Variants in RASGEF1A observed in about 807,000 individuals in gnomAD.
The protein encoded by RASGEF1A is ras-GEF domain-containing family member 1A.
A neutral mutation model predicts 56.4 loss-of-function variants in RASGEF1A; 18 were observed. That is an observed-to-expected ratio of 0.32 (90% CI 0.22 to 0.47). The LOEUF is 0.47. Among genes scored for constraint, RASGEF1A ranks in the 20% least tolerant of loss-of-function variants. The pLI, the probability that RASGEF1A is intolerant of heterozygous loss-of-function variation, is 1.00. For synonymous variants in RASGEF1A, 245 were observed against 242.6 expected (o/e 1.01, Z -0.09); for missense variants, 422 against 627.1 (o/e 0.67, Z 3.49).
At chr10:43,243,252 T>C (rs1190755661) in intron 1 of RASGEF1A, among the ~76,000 whole-genome samples, 1 of 147,308 alleles carries the variant, frequency 6.8e-6, no homozygotes, top group African/African-American at 2.6e-5. Flanking sequence ...GAAGTGTCTC[T>C]GCCTGGCTGC....
At chr10:43,263,990 G>A (rs1157513504) in intron 1 of RASGEF1A, among the ~76,000 whole-genome samples, 1 of 152,064 alleles carries the variant, frequency 6.6e-6, no homozygotes, top group Non-Finnish European at 1.5e-5. Flanking sequence ...CTCTGTCATG[G>A]TGCCTGGAGC....
chr10:43,199,012 G>T lies in RASGEF1A; in HGVS notation c.953C>A (p.Ser318Tyr), dbSNP rs1292648635. 6.2e-7 allele frequency: 1 copy of T among 1,612,370 alleles called. No individual in the cohort carries two copies. The highest frequency in any genetic ancestry group is 8.5e-7 in the Non-Finnish European group (1 of 1,179,116). The change falls in exon 9 of 13, where the codon TCT (serine) becomes TAT (tyrosine). Residue 318 changes from serine (S) to tyrosine (Y), a missense_variant and splice_region_variant. Around this residue, in one of 2 missense-constraint regions of RASGEF1A, gnomAD observed 149 missense variants for 287.2 expected, o/e 0.52. Coordinates refer to ENST00000395810, the MANE Select transcript of RASGEF1A (RefSeq NM_145313.4). ...GNFNSMMAII[S>Y]GMNLSPVARL... ...TGCCACAGGACTGAGGTTCATGCCA[G>T]CTGCAGAGGACAGCAGGTAGGGTCA...
At chr10:43,213,016 T>C (rs1292411617) in intron 1 of RASGEF1A, among the ~76,000 whole-genome samples, 3 of 152,204 alleles carry the variant, frequency 2.0e-5, no homozygotes, top group Admixed American at 6.5e-5. Context: ...CAACGCTGCA[T>C]GTTCCCACTC....
At chr10:43,228,803 G>A (rs1292712773) in intron 1 of RASGEF1A, among the ~76,000 whole-genome samples, 1 of 152,234 alleles carries the variant, frequency 6.6e-6, no homozygotes, top group East Asian at 1.9e-4. Flanking sequence ...CACTCTCCGT[G>A]CTGTGGTGTT....
At chr10:43,201,020 G>T in intron 4 of RASGEF1A, 132 bp from the exon 5 acceptor site, 1 of 743,386 alleles carries the variant, frequency 1.3e-6, no homozygotes, top group African/African-American at 1.8e-5. Context: ...CTAAACCGCA[G>T]CCTTCAGGCC....
intron 1 of RASGEF1A, among the ~76,000 whole-genome samples, chr10:43,245,383 T>G (rs1052478094): frequency 4.6e-5 from 7 of 152,140 alleles, no homozygotes; most frequent in African/African-American, 1.7e-4. Context: ...CCTTACAATG[T>G]CCTTCAAAAA....
At chr10:43,251,236 G>C (rs900699534) in intron 1 of RASGEF1A, among the ~76,000 whole-genome samples, 3 of 152,186 alleles carry the variant, frequency 2.0e-5, no homozygotes, top group Admixed American at 6.5e-5. Flanking sequence ...ATGCAGCACT[G>C]ATCAGCCAGC....
chr10:43,204,504 G>A (rs914606518), intron 2 of RASGEF1A, among the ~76,000 whole-genome samples: 3 of 152,254 alleles, frequency 2.0e-5, no homozygotes, highest in Non-Finnish European at 4.4e-5. Flanking sequence ...CTTCTAAGGA[G>A]ACAACTAAGA....
rs1427617201 is a variant in RASGEF1A, at chr10:43,267,033, GCGAGCGAGCGAGCGAA to G, written c.-211_-196del. Reference sequence around the variant, plus strand: ...CCCTCCGCAGCCGGCGCCGGGGAGCGCGAGCGAGCGAGCGAACGAGCGAGCGCGGAGCGAGCGCCGA... The same window carrying G: ...CCCTCCGCAGCCGGCGCCGGGGAGCGCGAGCGAGCGCGGAGCGAGCGCCGA... On this transcript the variant is annotated 5_prime_UTR_variant, in exon 1 of 13. Coordinates refer to ENST00000395810, the MANE Select transcript of RASGEF1A (RefSeq NM_145313.4). The G allele has an allele frequency of 6.7e-6, 1 of 149,442 alleles. No homozygotes were observed. The highest frequency in any genetic ancestry group is 2.0e-4 in the East Asian group (1 of 5,076). 9.3% of individuals were successfully genotyped at this position (149,442 alleles called of 1,614,324 possible).
intron 1 of RASGEF1A, among the ~76,000 whole-genome samples, chr10:43,249,687 T>C (rs1014018575): frequency 1.3e-5 from 2 of 152,206 alleles, no homozygotes; most frequent in African/African-American, 4.8e-5. Context: ...TGGGGCTTCC[T>C]GTTCCCCTTG....
Position 43,196,049 on chromosome 10 carries a change from GTTAT to G in RASGEF1A, c.*191_*194del. On this transcript the variant is annotated 3_prime_UTR_variant, in exon 13 of 13. Transcript: ENST00000395810. This position sits in a 1 kb window ranked among gnomAD's most constrained non-coding sequence, Gnocchi z 4.6. ...CCTCCCCAAAGCAGGGCCCTGCCCT[GTTAT>G]TTAAAATAAACAAAAAAAACTTTGT... 1 of 505,948 alleles carries G rather than the reference GTTAT, an allele frequency of 2.0e-6. No homozygotes were observed. Among genetic ancestry groups the G allele is most frequent in the Non-Finnish European group, 3.5e-6 (1 of 286,802 alleles). The allele number at this position is 505,948 out of a possible 1,614,324, so 31.3% of individuals were successfully genotyped here. A position where few individuals can be genotyped will look rare whatever the true frequency, so the allele number is the denominator to read the frequency against.
chr10:43,230,090 T>A (rs559925447), intron 1 of RASGEF1A, among the ~76,000 whole-genome samples: 1 of 151,318 alleles, frequency 6.6e-6, no homozygotes, highest in Non-Finnish European at 1.5e-5. Context: ...GGGCGCAGCG[T>A]GGGTCGGGGC....
intron 1 of RASGEF1A, among the ~76,000 whole-genome samples, chr10:43,263,981 T>C (rs1286818770): frequency 6.6e-6 from 1 of 151,264 alleles, no homozygotes; most frequent in African/African-American, 2.4e-5. Context: ...CTCACAGCCC[T>C]CTGTCATGGT....
At chr10:43,252,682 G>A (rs758894292) in intron 1 of RASGEF1A, among the ~76,000 whole-genome samples, 1 of 152,104 alleles carries the variant, frequency 6.6e-6, no homozygotes, top group Non-Finnish European at 1.5e-5. Context: ...CTAAGCTCAG[G>A]GGCTTTTTAG....
At chr10:43,203,213 C>T in intron 3 of RASGEF1A, 85 bp downstream of exon 3, 1 of 1,218,880 alleles carries the variant, frequency 8.2e-7, no homozygotes, top group Non-Finnish European at 1.1e-6. Flanking sequence ...CTACCGTGAA[C>T]CCCGCCCCAT....
At chr10:43,207,501 G>C in intron 1 of RASGEF1A, 3 of 984,826 alleles carry the variant, frequency 3.0e-6, no homozygotes, top group South Asian at 4.7e-5. Context: ...GACGTCACTG[G>C]TTTTCCCACC....
rs1836522561 is a variant in RASGEF1A, at chr10:43,261,234, G to C, written c.-7+5611C>G. ...CTCTCCACCACCACCACTCCCCGCA[G>C]GGCAGTTGATCTGGCCCAGGTACCT... On this transcript the variant is annotated intron_variant, in intron 1 of 12. Transcript: ENST00000395810. Among the ~76,000 whole-genome samples the C allele has an allele frequency of 2.6e-5, 4 of 152,256 alleles. No homozygotes were observed. The South Asian group carries it at 8.3e-4, about 31-fold the overall frequency.
intron 2 of RASGEF1A, among the ~76,000 whole-genome samples, chr10:43,203,995 C>T (rs1358151071): frequency 1.3e-5 from 2 of 151,828 alleles, no homozygotes; most frequent in Non-Finnish European, 2.9e-5. Flanking sequence ...CCTGCACTCT[C>T]TGACCAGCTC....
At chr10:43,220,165 G>C (rs896834098) in intron 1 of RASGEF1A, among the ~76,000 whole-genome samples, 1 of 152,240 alleles carries the variant, frequency 6.6e-6, no homozygotes, top group Non-Finnish European at 1.5e-5. Flanking sequence ...AAGAGTACCA[G>C]TGCACAGGAA....
Sources: allele counts gnomAD v4.1 joint callset (sites outside exome capture counted in the v4.1 genomes callset), GRCh38; gene constraint gnomAD v4.1.1; regional missense constraint gnomAD v4.1.1; non-coding constraint Gnocchi (gnomAD v3.1); transcripts MANE v1.5; gene names NCBI Gene and HGNC (gene_info 2026-07-23, HGNC 2026-07-21).